The following HAL variants were observed in gnomAD, a reference collection of about 807,000 sequenced individuals.
HAL encodes the protein histidase.
In HAL, 85 loss-of-function variants were observed where a neutral mutation model predicts 81.1. The ratio of observed to expected loss-of-function variants is 1.05; its 90% CI spans 0.88 to 1.25. The LOEUF is 1.25. HAL is among the 50% of genes most tolerant of loss of function. HAL has a pLI of 0.00. For synonymous variants in HAL, 301 were observed against 309.2 expected (o/e 0.97, Z 0.28); for missense variants, 798 against 836.6 (o/e 0.95, Z 0.57).
At position 95,993,908 on chromosome 12, in the gene HAL, A is replaced by G. The variant is rs542112945; in HGVS notation, c.484+18T>C. 4.0e-6 allele frequency: 6 copies of G among 1,516,838 alleles called. No homozygotes were observed. The Admixed American group carries it at 1.0e-4, about 25-fold the overall frequency. 94.0% of individuals were successfully genotyped at this position (1,516,838 alleles called of 1,614,324 possible). A position where few individuals can be genotyped will look rare whatever the true frequency, so the allele number is the denominator to read the frequency against. ...GTTTGTTTATAAAAATATTTATAAC[A>G]TAAAGATAAAAAGATACCTGTTTTC... On this transcript the variant is annotated intron_variant, in intron 6 of 20. Coordinates refer to ENST00000261208, the MANE Select transcript of HAL (RefSeq NM_002108.4).
chr12:95,986,240 C>A (rs1295150215), intron 12 of HAL, 80 bp from the exon 13 acceptor site: 1 of 869,858 alleles, frequency 1.1e-6, no homozygotes, highest in Non-Finnish European at 1.9e-6. Context: ...ACTACGTTCC[C>A]CAGGCTGGTT....
intron 14 of HAL, among the ~76,000 whole-genome samples, chr12:95,984,967 G>A (rs1229313195): frequency 6.6e-6 from 1 of 152,260 alleles, no homozygotes; most frequent in Admixed American, 6.5e-5. Context: ...CCAAAATATG[G>A]TTTATTGAGA....
At chr12:95,975,765 A>C (rs1368095966) in intron 20 of HAL, among the ~76,000 whole-genome samples, 1 of 152,150 alleles carries the variant, frequency 6.6e-6, no homozygotes, top group Non-Finnish European at 1.5e-5. Flanking sequence ...CACAGGGAAA[A>C]ATCACTGCCC....
At chr12:95,977,373 TA>T (rs1294078684) in intron 18 of HAL, among the ~76,000 whole-genome samples, 1 of 145,260 alleles carries the variant, frequency 6.9e-6, no homozygotes, top group Non-Finnish European at 1.5e-5. Context: ...GAATATGTTT[TA>T]AAAGTCTCAT....
Position 95,990,455 on chromosome 12 carries a change from G to C in HAL, c.793C>G (p.Leu265Val). Reference protein sequence around the residue: ...GDLAPLSHLALGLVGEGKMWS... With the variant: ...GDLAPLSHLAVGLVGEGKMWS... ...ATCTTCCCTTCTCCAACTAGCCCAA[G>C]AGCAAGATGAGAGAGTGGGGCAAGG... Residue 265 changes from leucine to valine, a missense_variant, in exon 10 of 21, where the codon CTT becomes GTT. Transcript: ENST00000261208. 6.2e-7 allele frequency: 1 copy of C among 1,612,752 alleles called. No homozygotes were observed.
At position 95,993,823 on chromosome 12, in the gene HAL, G is replaced by A. The variant is rs1279843946; in HGVS notation, c.500C>T (p.Thr167Ile). ...TCTGGCAAATTTCCCAAAACCTGTA[G>A]TAATACCGTAAACAACTAGAATAAA... ...IKEKTVVYGI[T>I]TGFGKFARTV... Residue 167 changes from threonine (T) to isoleucine (I), a missense_variant, in exon 7 of 21, where the codon ACT (threonine) becomes ATT (isoleucine). Transcript: ENST00000261208. The A allele has an allele frequency of 1.3e-6, 2 of 1,570,874 alleles. No individual in the cohort carries two copies. Among genetic ancestry groups the A allele is most frequent in the African/African-American group, 2.7e-5 (2 of 74,076 alleles).
At chr12:95,986,449 C>G (rs1031178185) in intron 12 of HAL, among the ~76,000 whole-genome samples, 1 of 152,154 alleles carries the variant, frequency 6.6e-6, no homozygotes, top group Non-Finnish European at 1.5e-5. Flanking sequence ...AGAAACTTAA[C>G]TCCGAAAGCA....
chr12:95,994,614 T>G (rs1415247745), intron 4 of HAL, among the ~76,000 whole-genome samples, 184 bp downstream of exon 4: 1 of 152,210 alleles, frequency 6.6e-6, no homozygotes, highest in Non-Finnish European at 1.5e-5. Flanking sequence ...GGTTTCAAAC[T>G]GATGACCTCA....
At chr12:95,986,925 C>T in intron 12 of HAL, 142 bp downstream of exon 12, 3 of 733,190 alleles carry the variant, frequency 4.1e-6, no homozygotes, top group South Asian at 1.5e-5. Context: ...GAAGAGGCAG[C>T]ACACTGGGTA....
chr12:95,973,787 G>C lies in HAL; in HGVS notation c.*445C>G, dbSNP rs1167232927. 2 of 157,418 alleles carry C rather than the reference G, an allele frequency of 1.3e-5. No individual in the cohort carries two copies. Among genetic ancestry groups the C allele is most frequent in the African/African-American group, 5.4e-5 (2 of 37,204 alleles). The allele number at this position is 157,418 out of a possible 1,614,324, so 9.8% of individuals were successfully genotyped here. A position where few individuals can be genotyped will look rare whatever the true frequency, so the allele number is the denominator to read the frequency against. On this transcript the variant is annotated 3_prime_UTR_variant, in exon 21 of 21. Coordinates refer to ENST00000261208, the MANE Select transcript of HAL (RefSeq NM_002108.4). ...ATCATGCAAAGTAAAATTAGCCAAA[G>C]AAAGTCAACTGGTGGAGAGCTTGTT...
chr12:95,990,835 C>T (rs746982353), intron 9 of HAL, among the ~76,000 whole-genome samples: 3 of 152,114 alleles, frequency 2.0e-5, no homozygotes, highest in African/African-American at 4.8e-5. Context: ...AAGGGCCAGG[C>T]GCAGTGGCTC....
rs762592490 is a variant in HAL at position 95,985,953 on chromosome 12, G to C, written c.1161C>G (p.Phe387Leu). ...HPSEIAESHR[F>L]CDRVQDAYTL... The stretch of plus-strand genomic sequence containing the variant: ...TGTATGCATCCTGGACGCGATCACA[G>C]AACCTGTGACTCTCTGTGGAAGAGG... Residue 387 changes from phenylalanine to leucine, a missense_variant, in exon 14 of 21, where the codon TTC (phenylalanine) becomes TTG (leucine). By Grantham distance (22) the Phe-to-Leu change is conservative. Coordinates refer to ENST00000261208, the MANE Select transcript of HAL (RefSeq NM_002108.4). 1 of 1,611,972 alleles carries C rather than the reference G, an allele frequency of 6.2e-7. No homozygotes were observed. The highest frequency in any genetic ancestry group is 8.5e-7 in the Non-Finnish European group (1 of 1,178,482).
chr12:95,988,171 T>C (rs372741515), intron 11 of HAL, 22 bp downstream of exon 11: 2 of 1,222,866 alleles, frequency 1.6e-6, no homozygotes, highest in Admixed American at 1.7e-5. Context: ...ACTATGAACA[T>C]ATTTTTCTTG....
chr12:95,994,031 A>G (rs370610642), intron 5 of HAL, 33 bp from the exon 6 acceptor site: 19 of 1,598,142 alleles, frequency 1.2e-5, no homozygotes, highest in African/African-American at 4.0e-5. Context: ...TGAGCACGTT[A>G]AAGACTTCCA....
intron 17 of HAL, among the ~76,000 whole-genome samples, 159 bp from the exon 18 acceptor site, chr12:95,978,237 G>C (rs1451552792): frequency 8.9e-6 from 1 of 111,814 alleles, no homozygotes; most frequent in Non-Finnish European, 1.7e-5. Context: ...TTTGGGAAAA[G>C]GAAGCAGGTC....
Position 95,995,831 on chromosome 12 carries a change from A to G in HAL, c.80T>C (p.Leu27Pro). ...ATAGCGCCTCACGGCCTCCCGGCCC[A>G]GCCAGCCCACAGTGAGCTGCGCGTC... ...CQDAQLTVGW[L>P]GREAVRRYIK... Residue 27 changes from leucine (L) to proline (P), a missense_variant, in exon 2 of 21, where the codon CTG (leucine) becomes CCG (proline). Physicochemically the swap from Leu to Pro is moderately conservative, Grantham distance 98. Transcript: ENST00000261208. 1 of 1,611,852 alleles carries G rather than the reference A, an allele frequency of 6.2e-7. No homozygotes were observed. The highest frequency in any genetic ancestry group is 8.5e-7 in the Non-Finnish European group (1 of 1,180,010).
At chr12:95,987,273 G>A (rs973388107) in intron 11 of HAL, 59 bp from the exon 12 acceptor site, 54 of 1,408,262 alleles carry the variant, frequency 3.8e-5, no homozygotes, top group East Asian at 2.7e-4. Flanking sequence ...CTACATACCC[G>A]TGGATTTTGT....
At position 95,993,921 on chromosome 12, in the gene HAL, G is replaced by A. The variant is rs1158545748; in HGVS notation, c.484+5C>T. 1.3e-6 allele frequency: 2 copies of A among 1,551,198 alleles called. No individual in the cohort carries two copies. The highest frequency in any genetic ancestry group is 8.9e-7 in the Non-Finnish European group (1 of 1,122,956). ...AATATTTATAACATAAAGATAAAAA[G>A]ATACCTGTTTTCTCTTTTATGATGC... On this transcript the variant is annotated splice_donor_5th_base_variant and intron_variant, in intron 6 of 20. Transcript: ENST00000261208.
chr12:95,986,220 T>TG (rs1437881950), intron 12 of HAL, 60 bp from the exon 13 acceptor site: 8 of 1,023,508 alleles, frequency 7.8e-6, no homozygotes, highest in Non-Finnish European at 1.2e-5. Flanking sequence ...TTTTTAAAGA[T>TG]GGGGGTCTCA....
Sources: gnomAD v4.1 joint callset for allele counts (sites outside exome capture counted in the v4.1 genomes callset) on GRCh38, gnomAD v4.1.1 for gene constraint, MANE v1.5 for transcripts, NCBI Gene and HGNC (gene_info 2026-07-23, HGNC 2026-07-21) for gene names.